ABCA5: variants seen among roughly 807,000 people sequenced by gnomAD.
The protein encoded by ABCA5 is cholesterol transporter ABCA5.
ABCA5 carries 163 observed loss-of-function variants against 206.0 expected under a neutral mutation model. That is an observed-to-expected ratio of 0.79 (90% CI 0.70 to 0.90). ABCA5 has a LOEUF of 0.90. Ranked by LOEUF, ABCA5 falls within the 40% of genes least tolerant of loss-of-function variation. The probability of loss-of-function intolerance (pLI) is 0.00; values close to 1 mark genes in which losing one functional copy is unlikely to be tolerated. For missense variants in ABCA5, 1,859 were observed against 1,912.9 expected, an observed-to-expected ratio of 0.97 and a Z score of 0.53; for synonymous variants, 609 against 613.8, an observed-to-expected ratio of 0.99 and a Z score of 0.11.
chr17:69,250,317 A>G (rs1474599091), intron 36 of ABCA5, among the ~76,000 whole-genome samples, 155 bp downstream of exon 36: 2 of 151,832 alleles, frequency 1.3e-5, no homozygotes, highest in African/African-American at 4.8e-5. Flanking sequence ...TATATTTCAT[A>G]TATATGAAAA....
intron 1 of ABCA5, 102 bp from the exon 2 acceptor site, chr17:69,314,532 T>C (rs1443446246): frequency 4.4e-6 from 3 of 674,406 alleles, no homozygotes; most frequent in East Asian, 2.7e-5. Context: ...CCAGGTAAGA[T>C]GGATTAAGCA....
chr17:69,308,408 C>CA (rs2075740580), intron 4 of ABCA5, 40 bp from the exon 5 acceptor site: 1 of 1,328,764 alleles, frequency 7.5e-7, no homozygotes, highest in Admixed American at 1.7e-5. Context: ...TTCTGTACAA[C>CA]ATGCAAGTGC....
intron 1 of ABCA5, chr17:69,316,928 A>T (rs2075821923): frequency 6.6e-6 from 1 of 152,060 alleles, no homozygotes; most frequent in Non-Finnish European, 1.5e-5. Flanking sequence ...TCACAATTCC[A>T]CTCCTAGGTA....
rs993159471 is a variant in ABCA5 at position 69,247,216 on chromosome 17, C to A, written c.*321G>T. On this transcript the variant is annotated 3_prime_UTR_variant, in exon 39 of 39. Transcript: ENST00000392676. ...GAAGATGGCATAAACTTAAAGATAA[C>A]TTAAAAATAAAACTATTCTATTACA... 1.7e-4 allele frequency: 29 copies of A among 174,922 alleles called. No homozygotes were observed. The highest frequency in any genetic ancestry group is 3.4e-4 in the Non-Finnish European group (28 of 83,484). 10.8% of individuals were successfully genotyped at this position (174,922 alleles called of 1,614,324 possible). A position where few individuals can be genotyped will look rare whatever the true frequency, so the allele number is the denominator to read the frequency against.
rs1238406297 is a variant in ABCA5, at chr17:69,306,762, A to G, written c.751T>C (p.Phe251Leu). 1 of 1,560,666 alleles carries G rather than the reference A, an allele frequency of 6.4e-7. No individual in the cohort carries two copies. The highest frequency in any genetic ancestry group is 8.7e-7 in the Non-Finnish European group (1 of 1,152,822). ...TCATGAAGTCCCATTATCTTTAAAA[A>G]TTCTTTTATTTTTTTTTCTTTTTCT... ...VAEKEKKIKE[F>L]LKIMGLHDTA... The change falls in exon 6 of 39, where the codon TTT becomes CTT. Residue 251 changes from phenylalanine to leucine, a missense_variant. By Grantham distance (22) the Phe-to-Leu change is conservative. Transcript: ENST00000392676.
rs749663854 is a variant in ABCA5 at position 69,251,882 on chromosome 17, A to C, written c.4416-16T>G. The C allele has an allele frequency of 1.2e-6, 2 of 1,608,580 alleles. No individual in the cohort carries two copies. Among genetic ancestry groups the C allele is most frequent in the African/African-American group, 1.3e-5 (1 of 74,626 alleles). On this transcript the variant is annotated splice_polypyrimidine_tract_variant and intron_variant, in intron 34 of 38. Coordinates refer to ENST00000392676, the MANE Select transcript of ABCA5 (RefSeq NM_172232.4). The stretch of plus-strand genomic sequence containing the variant: ...AATTGCTCGCCTATAAAACATAAAT[A>C]AAACAAAAAGAGAGGAACACATCTG...
In ABCA5 at chr17:69,251,785, G is replaced by A; in HGVS notation, c.4497C>T (p.Val1499=). Residue 1499 remains valine, a synonymous_variant, in exon 35 of 39, where the codon GTC becomes GTT. Coordinates refer to ENST00000392676, the MANE Select transcript of ABCA5 (RefSeq NM_172232.4). ...TTHYMEEAEA[V]CDRVAIMVSG... Reference sequence around the variant, plus strand: ...ACACCATGATAGCTACTCGATCACAGACAGCCTCTGCCTCCTCCATATAGT... The same window carrying A: ...ACACCATGATAGCTACTCGATCACAAACAGCCTCTGCCTCCTCCATATAGT... The A allele has an allele frequency of 6.2e-7, 1 of 1,613,924 alleles. No homozygotes were observed. The highest frequency in any genetic ancestry group is 8.5e-7 in the Non-Finnish European group (1 of 1,179,980).
intron 9 of ABCA5, among the ~76,000 whole-genome samples, chr17:69,299,729 A>T (rs538154426): frequency 2.0e-5 from 3 of 152,198 alleles, no homozygotes; most frequent in African/African-American, 7.2e-5. Flanking sequence ...GGGATAAAAG[A>T]ATACACACTG....
chr17:69,293,870 G>GTGTT (rs1474059550), intron 11 of ABCA5, among the ~76,000 whole-genome samples: 1 of 89,132 alleles, frequency 1.1e-5, no homozygotes, highest in South Asian at 3.1e-4. Context: ...GTGTGTGTGT[G>GTGTT]TGCGTGTGTG....
intron 21 of ABCA5, 50 bp downstream of exon 21, chr17:69,271,112 T>C (rs575207634): frequency 2.4e-5 from 37 of 1,564,230 alleles, no homozygotes; most frequent in Non-Finnish European, 3.1e-5. Flanking sequence ...AGAAACGTTT[T>C]AATCTTGCAT....
At chr17:69,273,646 G>A (rs967129627) in intron 20 of ABCA5, among the ~76,000 whole-genome samples, 1 of 151,818 alleles carries the variant, frequency 6.6e-6, no homozygotes, top group Non-Finnish European at 1.5e-5. Flanking sequence ...AGTAGAGACG[G>A]GGTTTCACCG....
chr17:69,281,976 C>G (rs530329483), intron 18 of ABCA5, among the ~76,000 whole-genome samples: 1 of 152,102 alleles, frequency 6.6e-6, no homozygotes, highest in African/African-American at 2.4e-5. Context: ...TCCTCACCTG[C>G]CACTACAAAC....
chr17:69,319,590 G>C (rs182235269), intron 1 of ABCA5, among the ~76,000 whole-genome samples: 1 of 152,268 alleles, frequency 6.6e-6, no homozygotes, highest in East Asian at 1.9e-4. Flanking sequence ...TTAACTAAGA[G>C]ACCCACAGAC....
Position 69,270,739 on chromosome 17 carries a change from A to G in ABCA5, c.2904T>C (p.Phe968=). The G allele has an allele frequency of 1.3e-6, 2 of 1,547,620 alleles. No individual in the cohort carries two copies. The highest frequency in any genetic ancestry group is 1.7e-6 in the Non-Finnish European group (2 of 1,153,642). The change falls in exon 22 of 39, where the codon TTT becomes TTC. Residue 968 remains phenylalanine, a synonymous_variant. Coordinates refer to ENST00000392676, the MANE Select transcript of ABCA5 (RefSeq NM_172232.4). ...NVMHSEKDYV[F]AAVFNSTMVY... is the part of the protein sequence containing the mutation. ...CCATAGTACTGTTGAAAACAGCTGC[A>G]AAAACATAGTCCTACAATTAAAAAA... is the stretch of plus-strand genomic sequence containing the variant.
rs369897956 is a variant in ABCA5 at position 69,304,847 on chromosome 17, C to A, written c.789-37G>T. ...ATACAGATATAGTTATGGTCAAATG[C>A]ATAGGCTTAACCAGTTAAAAAATCA... On this transcript the variant is annotated intron_variant, in intron 6 of 38. Coordinates refer to ENST00000392676, the MANE Select transcript of ABCA5 (RefSeq NM_172232.4). 12 of 1,522,520 alleles carry A rather than the reference C, an allele frequency of 7.9e-6. No individual in the cohort carries two copies. In the East Asian group the frequency reaches 1.9e-4, roughly 24 times the overall value. The allele number at this position is 1,522,520 out of a possible 1,614,324, so 94.3% of individuals were successfully genotyped here.
intron 18 of ABCA5, among the ~76,000 whole-genome samples, chr17:69,280,584 CAT>C (rs1318160620): frequency 1.8e-4 from 27 of 151,360 alleles, no homozygotes; most frequent in African/African-American, 6.3e-4. Context: ...CACATGCACA[CAT>C]ATGTTTATTG....
chr17:69,286,369 A>C, intron 15 of ABCA5, 58 bp from the exon 16 acceptor site: 1 of 1,456,420 alleles, frequency 6.9e-7, no homozygotes, highest in Non-Finnish European at 9.4e-7. Flanking sequence ...AATAATTGGC[A>C]TTTACATTTT....
In ABCA5 at chr17:69,259,725, T is replaced by A. The variant is rs1453296110; in HGVS notation, c.3712A>T (p.Arg1238Ter). 6.2e-7 allele frequency: 1 copy of A among 1,605,976 alleles called. No individual in the cohort carries two copies. Among genetic ancestry groups the A allele is most frequent in the South Asian group, 1.1e-5 (1 of 90,282 alleles). The part of the protein sequence containing the change: ...YEKKYGGRSI[R>*]KDPFFRNLST... ...ACTGACCTGAAAAAGGGATCTTTTCTTATTGATCTGCCTCCATATTTTTTC... is the reference window on the plus strand; with the variant it reads ...ACTGACCTGAAAAAGGGATCTTTTCATATTGATCTGCCTCCATATTTTTTC... The change falls in exon 28 of 39, where the codon AGA becomes TGA. Residue 1238 changes from arginine to a stop codon, truncating the protein, a stop_gained. Transcript: ENST00000392676. LOFTEE classifies it high-confidence loss of function.
At position 69,297,318 on chromosome 17, in the gene ABCA5, G is replaced by C. The variant is rs377356251; in HGVS notation, c.1309C>G (p.Pro437Ala). The C allele has an allele frequency of 4.0e-5, 65 of 1,608,346 alleles. No homozygotes were observed. In the African/African-American group the frequency reaches 7.2e-4, roughly 18 times the overall value. ...CTTTTGCTCTTTGACCAATATGAAGGCTTCAGAAAATATAAAGATGATCTC... is the reference window on the plus strand; with the variant it reads ...CTTTTGCTCTTTGACCAATATGAAGCCTTCAGAAAATATAAAGATGATCTC... ...LRRSSLYFLK[P>A]SYWSKSKRNY... is the part of the protein sequence containing the mutation. The change falls in exon 10 of 39, where the codon CCT (proline) becomes GCT (alanine). Residue 437 changes from proline to alanine, a missense_variant. Transcript: ENST00000392676.
Sources: allele counts gnomAD v4.1 joint callset (sites outside exome capture counted in the v4.1 genomes callset), GRCh38; gene constraint gnomAD v4.1.1; transcripts MANE v1.5; gene names NCBI Gene and HGNC (gene_info 2026-07-23, HGNC 2026-07-21).